KIRREL3: variants seen among roughly 807,000 people sequenced by gnomAD.
The protein encoded by KIRREL3 is kirre like nephrin family adhesion molecule 3, also known as kin of IRRE-like protein 3.
In KIRREL3, 36 loss-of-function variants were observed where a neutral mutation model predicts 89.7. The ratio of observed to expected loss-of-function variants is 0.40; its 90% CI spans 0.31 to 0.53. The LOEUF (loss-of-function observed/expected upper bound fraction) is 0.53. Among genes scored for constraint, KIRREL3 ranks in the 20% least tolerant of loss-of-function variants. The pLI is 0.49. For synonymous variants in KIRREL3, 445 were observed against 441.4 expected (o/e 1.01, Z -0.10); for missense variants, 864 against 1,056.6 (o/e 0.82, Z 2.53).
In KIRREL3 at chr11:126,669,174, CTTGT is replaced by C. The variant is rs912989200; in HGVS notation, c.56-106266_56-106263del. Among the ~76,000 whole-genome samples the C allele has an allele frequency of 2.6e-5, 4 of 152,078 alleles. No homozygotes were observed. The highest frequency in any genetic ancestry group is 7.2e-5 in the African/African-American group (3 of 41,414). ...GCTTCTCTGGGGTATGGGTCTTCATCTTGTTTGTTATGGCAAGAATTCCCTTTAG... is the reference window on the plus strand; with the variant it reads ...GCTTCTCTGGGGTATGGGTCTTCATCTTGTTATGGCAAGAATTCCCTTTAG... On this transcript the variant is annotated intron_variant, in intron 1 of 16. Transcript: ENST00000525144. This position sits in a 1 kb window ranked among gnomAD's most constrained non-coding sequence, Gnocchi z 5.0.
rs539294642 is a variant in KIRREL3, at chr11:126,683,273, G to A, written c.56-120361C>T. Among the ~76,000 whole-genome samples the A allele has an allele frequency of 6.6e-6, 1 of 152,268 alleles. No individual in the cohort carries two copies. The highest frequency in any genetic ancestry group is 2.4e-5 in the African/African-American group (1 of 41,550). The stretch of plus-strand genomic sequence containing the variant: ...GGGAGTTCTGGGAGCTACTTCCAAG[G>A]GCATGAACCAAATCTGGAAAGTAGA... On this transcript the variant is annotated intron_variant, in intron 1 of 16. Transcript: ENST00000525144. The surrounding 1 kb of genome is among the most constrained non-coding windows in gnomAD (Gnocchi z 5.2).
intron 4 of KIRREL3, among the ~76,000 whole-genome samples, chr11:126,510,492 A>T (rs1398776504): frequency 9.4e-6 from 1 of 106,284 alleles, no homozygotes; most frequent in African/African-American, 5.3e-5. Context: ...TAGGGGTCTC[A>T]CTGTTGACCA....
intron 1 of KIRREL3, among the ~76,000 whole-genome samples, chr11:126,863,444 AGT>A (rs879631402): frequency 0.082 from 5,525 of 67,256 alleles, 196 homozygotes; most frequent in South Asian, 0.12. Flanking sequence ...TGCGTGTGTG[AGT>A]GTGTGTGTTT....
chr11:126,720,376 G>C (rs1015157853), intron 1 of KIRREL3, among the ~76,000 whole-genome samples: 3 of 152,148 alleles, frequency 2.0e-5, no homozygotes, highest in Non-Finnish European at 4.4e-5. Context: ...TGCATGGTGG[G>C]GCTGTATCTG....
At chr11:126,790,995 G>T (rs984791487) in intron 1 of KIRREL3, among the ~76,000 whole-genome samples, 1 of 152,138 alleles carries the variant, frequency 6.6e-6, no homozygotes, top group Non-Finnish European at 1.5e-5. Flanking sequence ...TGAGCAAACT[G>T]GGTGGTGTGG....
At chr11:126,616,170 A>G (rs1943338556) in intron 1 of KIRREL3, among the ~76,000 whole-genome samples, 1 of 152,204 alleles carries the variant, frequency 6.6e-6, no homozygotes, top group Non-Finnish European at 1.5e-5. Context: ...ACAGAAAGAA[A>G]TGCATTACTG....
rs1226470182 is a variant in KIRREL3, at chr11:126,802,183, G to T, written c.55+198272C>A. ...TACCAGGTGCCTTAACCATCTGCTTGCAGTTTTTCTTCCTTTCTTTGCCTT... is the reference window on the plus strand; with the variant it reads ...TACCAGGTGCCTTAACCATCTGCTTTCAGTTTTTCTTCCTTTCTTTGCCTT... On this transcript the variant is annotated intron_variant, in intron 1 of 16. Coordinates refer to ENST00000525144, the MANE Select transcript of KIRREL3 (RefSeq NM_032531.4). This position sits in a 1 kb window ranked among gnomAD's most constrained non-coding sequence, Gnocchi z 5.2. Among the ~76,000 whole-genome samples the T allele has an allele frequency of 6.6e-6, 1 of 152,010 alleles. No individual in the cohort carries two copies. Among genetic ancestry groups the T allele is most frequent in the East Asian group, 1.9e-4 (1 of 5,160 alleles).
chr11:126,484,801 G>A lies in KIRREL3; in HGVS notation c.434-11335C>T, dbSNP rs1367668010. Among the ~76,000 whole-genome samples the A allele has an allele frequency of 1.3e-5, 2 of 150,218 alleles. No homozygotes were observed. ...TCTATATTAAGAAGATGTGGGGCAA[G>A]ATGCAAATGGGATTTTTTTTTTTTT... On this transcript the variant is annotated intron_variant, in intron 4 of 16. Transcript: ENST00000525144. This position sits in a 1 kb window ranked among gnomAD's most constrained non-coding sequence, Gnocchi z 5.2.
At chr11:126,850,656 C>G (rs1458699920) in intron 1 of KIRREL3, among the ~76,000 whole-genome samples, 2 of 152,180 alleles carry the variant, frequency 1.3e-5, no homozygotes, top group Admixed American at 1.3e-4. Context: ...TTGCTGCCAA[C>G]AGAGGAAGAC....
Position 126,710,737 on chromosome 11 carries a change from C to T in KIRREL3, c.56-147825G>A, listed in dbSNP as rs1673651515. On this transcript the variant is annotated intron_variant, in intron 1 of 16. Coordinates refer to ENST00000525144, the MANE Select transcript of KIRREL3 (RefSeq NM_032531.4). The surrounding 1 kb of genome is among the most constrained non-coding windows in gnomAD (Gnocchi z 4.2). ...GTCTCAAATAAAGTTTTGTTTTAGG[C>T]TAAATAAGAAAAGTGATACCAAGTC... 6.6e-6 allele frequency among the ~76,000 whole-genome samples: 1 copy of T among 152,142 alleles called. No individual in the cohort carries two copies. Among genetic ancestry groups the T allele is most frequent in the African/African-American group, 2.4e-5 (1 of 41,494 alleles).
chr11:126,825,411 G>T (rs1943372203), intron 1 of KIRREL3, among the ~76,000 whole-genome samples: 1 of 152,112 alleles, frequency 6.6e-6, no homozygotes, highest in South Asian at 2.1e-4. Context: ...ACAAATTTGT[G>T]GTATGGTAAT....
rs1940446957 is a variant in KIRREL3 at position 126,565,461 on chromosome 11, T to A, written c.56-2549A>T. ...GAGGCAATTTCTCAATGTATTTGGC[T>A]CATTTAATTTGACACGCGTGGGTTA... On this transcript the variant is annotated intron_variant, in intron 1 of 16. Coordinates refer to ENST00000525144, the MANE Select transcript of KIRREL3 (RefSeq NM_032531.4). This position sits in a 1 kb window ranked among gnomAD's most constrained non-coding sequence, Gnocchi z 5.4. Among the ~76,000 whole-genome samples, 1 of 152,206 alleles carries A rather than the reference T, an allele frequency of 6.6e-6. No homozygotes were observed. Among genetic ancestry groups the A allele is most frequent in the African/African-American group, 2.4e-5 (1 of 41,448 alleles).
chr11:126,913,966 C>G (rs1946934031), intron 1 of KIRREL3, among the ~76,000 whole-genome samples: 1 of 152,246 alleles, frequency 6.6e-6, no homozygotes, highest in Non-Finnish European at 1.5e-5. Flanking sequence ...TCAAGGACAA[C>G]AAGTCAGCAG....
At chr11:126,452,409 G>A (rs1956210718) in intron 7 of KIRREL3, among the ~76,000 whole-genome samples, 1 of 152,366 alleles carries the variant, frequency 6.6e-6, no homozygotes, top group South Asian at 2.1e-4. Context: ...CTGCTGAGGC[G>A]AGGGGGCCAG....
In KIRREL3 at chr11:126,752,169, T is replaced by C. The variant is rs766824562; in HGVS notation, c.56-189257A>G. On this transcript the variant is annotated intron_variant, in intron 1 of 16. Coordinates refer to ENST00000525144, the MANE Select transcript of KIRREL3 (RefSeq NM_032531.4). This position sits in a 1 kb window ranked among gnomAD's most constrained non-coding sequence, Gnocchi z 4.8. ...GAGTTATGAAGACGGGGTAAGCTAA[T>C]GTATTGAAAGGATTTCCCAGGCTCA... Among the ~76,000 whole-genome samples the C allele has an allele frequency of 2.0e-5, 3 of 151,996 alleles. No homozygotes were observed. The highest frequency in any genetic ancestry group is 7.3e-5 in the African/African-American group (3 of 41,342).
At chr11:126,937,348 C>T (rs1044391698) in intron 1 of KIRREL3, among the ~76,000 whole-genome samples, 1 of 152,182 alleles carries the variant, frequency 6.6e-6, no homozygotes, top group East Asian at 1.9e-4. Flanking sequence ...GGGATAATAA[C>T]TTACTTTTGT....
chr11:126,887,632 A>T (rs140759081), intron 1 of KIRREL3, among the ~76,000 whole-genome samples: 1 of 152,048 alleles, frequency 6.6e-6, no homozygotes, highest in Admixed American at 6.5e-5. Context: ...AGGGTCCCCA[A>T]TGTGGCCAAG....
Position 126,474,099 on chromosome 11 carries a change from G to A in KIRREL3, c.434-633C>T, listed in dbSNP as rs188532730. Among the ~76,000 whole-genome samples, 271 of 151,484 alleles carry A rather than the reference G, an allele frequency of 1.8e-3. 2 individuals carry two copies. The highest frequency in any genetic ancestry group is 6.2e-3 in the African/African-American group (255 of 41,248). Reference sequence around the variant, plus strand: ...ATTACAGGCCTGAGCCACCATGCCCGGCCAACACCTGGTTAATTTTTGTAT... The same window carrying A: ...ATTACAGGCCTGAGCCACCATGCCCAGCCAACACCTGGTTAATTTTTGTAT... On this transcript the variant is annotated intron_variant, in intron 4 of 16. Transcript: ENST00000525144. The surrounding 1 kb of genome is among the most constrained non-coding windows in gnomAD (Gnocchi z 6.7).
At position 126,668,881 on chromosome 11, in the gene KIRREL3, C is replaced by T. The variant is rs900170126; in HGVS notation, c.56-105969G>A. ...GCTGCTAAGAATCTATTCCTATAGG[C>T]GTTTGGTCATTGCAGGGTTAAGAAA... On this transcript the variant is annotated intron_variant, in intron 1 of 16. Transcript: ENST00000525144. This position sits in a 1 kb window ranked among gnomAD's most constrained non-coding sequence, Gnocchi z 4.4. 2.4e-4 allele frequency among the ~76,000 whole-genome samples: 36 copies of T among 151,998 alleles called. No homozygotes were observed. The highest frequency in any genetic ancestry group is 1.2e-3 in the Admixed American group (19 of 15,248).
Sources: allele counts gnomAD v4.1 joint callset (sites outside exome capture counted in the v4.1 genomes callset), GRCh38; gene constraint gnomAD v4.1.1; non-coding constraint Gnocchi (gnomAD v3.1); transcripts MANE v1.5; gene names NCBI Gene and HGNC (gene_info 2026-07-23, HGNC 2026-07-21).